Variants in FAM227B observed in about 807,000 individuals in gnomAD.
The protein encoded by FAM227B is protein FAM227B.
A neutral mutation model predicts 73.8 loss-of-function variants in FAM227B; 88 were observed. The ratio of observed to expected loss-of-function variants is 1.19; its 90% CI spans 1.00 to 1.42. The LOEUF (loss-of-function observed/expected upper bound fraction) is 1.42, where lower values mean the gene tolerates loss of function less well. FAM227B is among the 40% of genes most tolerant of loss of function. The pLI is 0.00. For synonymous variants in FAM227B, 210 were observed against 190.5 expected (o/e 1.10, Z -0.84); for missense variants, 632 against 590.9 (o/e 1.07, Z -0.72).
At chr15:49,444,212 T>C (rs1476045664) in intron 11 of FAM227B, among the ~76,000 whole-genome samples, 1 of 151,600 alleles carries the variant, frequency 6.6e-6, no homozygotes, top group Non-Finnish European at 1.5e-5. Flanking sequence ...TTCTCCCTCA[T>C]AAGGATTTAT....
chr15:49,351,855 G>C (rs554875957), intron 13 of FAM227B, among the ~76,000 whole-genome samples: 5 of 152,262 alleles, frequency 3.3e-5, no homozygotes, highest in African/African-American at 1.2e-4. Context: ...AGTGGATGTG[G>C]GCTAGCTTGG....
chr15:49,486,272 G>A (rs1223483755), intron 11 of FAM227B: 2 of 151,956 alleles, frequency 1.3e-5, no homozygotes, highest in Non-Finnish European at 2.9e-5. Flanking sequence ...TGACCTATAC[G>A]ACCAGGATGT....
At chr15:49,340,071 G>T (rs933690300) in intron 13 of FAM227B, among the ~76,000 whole-genome samples, 1 of 152,126 alleles carries the variant, frequency 6.6e-6, no homozygotes, top group Non-Finnish European at 1.5e-5. Flanking sequence ...GGTGGGACCC[G>T]CTGAGCCAGA....
chr15:49,362,334 A>C (rs1394591504), intron 13 of FAM227B, among the ~76,000 whole-genome samples: 1 of 152,116 alleles, frequency 6.6e-6, no homozygotes, highest in Non-Finnish European at 1.5e-5. Context: ...CACGTGAAGA[A>C]GGTTCTTGCT....
intron 11 of FAM227B, among the ~76,000 whole-genome samples, chr15:49,440,085 C>T (rs1024086065): frequency 1.8e-4 from 27 of 151,846 alleles, no homozygotes; most frequent in African/African-American, 6.0e-4. Flanking sequence ...AACTGAGTCA[C>T]GAAAAGATAA....
intron 10 of FAM227B, among the ~76,000 whole-genome samples, chr15:49,524,662 G>C (rs2060024751): frequency 6.6e-6 from 1 of 152,180 alleles, no homozygotes; most frequent in African/African-American, 2.4e-5. Flanking sequence ...ACCTGGAAAA[G>C]CCACAGACAC....
intron 8 of FAM227B, among the ~76,000 whole-genome samples, chr15:49,571,588 C>T (rs2075108893): frequency 6.6e-6 from 1 of 151,948 alleles, no homozygotes; most frequent in African/African-American, 2.4e-5. Context: ...ATCCCAACAA[C>T]AGTTATTGGA....
At chr15:49,544,663 C>A (rs563499655) in intron 9 of FAM227B, among the ~76,000 whole-genome samples, 1 of 152,222 alleles carries the variant, frequency 6.6e-6, no homozygotes, top group African/African-American at 2.4e-5. Flanking sequence ...GGCTTTATTA[C>A]CCTGAGGTAT....
rs111996694 is a variant in FAM227B at position 49,507,991 on chromosome 15, A to G, written c.1012+220T>C. ...AAAAGTGAGAATATATGTAGTATAC[A>G]TAAAGACAAAAAGGATAAACATTTT... On this transcript the variant is annotated intron_variant, in intron 11 of 15. Coordinates refer to ENST00000299338, the MANE Select transcript of FAM227B (RefSeq NM_152647.3). Among the ~76,000 whole-genome samples the G allele has an allele frequency of 9.7e-3, 1,478 of 152,300 alleles. 23 individuals are homozygous for G. Among genetic ancestry groups the G allele is most frequent in the African/African-American group, 0.034 (1,421 of 41,588 alleles).
At position 49,328,035 on chromosome 15, in the gene FAM227B, C is replaced by A. The variant is rs150920378; in HGVS notation, c.*533G>T. 1.9e-6 allele frequency: 3 copies of A among 1,613,858 alleles called. No individual in the cohort carries two copies. In the African/African-American group the frequency reaches 4.0e-5, roughly 22 times the overall value. On this transcript the variant is annotated 3_prime_UTR_variant, in exon 16 of 16. Transcript: ENST00000299338. ...TCAATGGTACCTGCGGACAAGCTGC[C>A]CAGCTTTCTAGCAAATGTGCACAAA...
chr15:49,407,215 C>T (rs568382779), intron 11 of FAM227B, among the ~76,000 whole-genome samples: 60 of 152,316 alleles, frequency 3.9e-4, no homozygotes, highest in African/African-American at 1.3e-3. Flanking sequence ...CTAAGCAGCT[C>T]TCCCTGTCAA....
In FAM227B at chr15:49,359,702, C is replaced by G. The variant is rs1348577828; in HGVS notation, c.1271+7746G>C. Among the ~76,000 whole-genome samples, 4 of 138,642 alleles carry G rather than the reference C, an allele frequency of 2.9e-5. No homozygotes were observed. In the East Asian group the frequency reaches 8.6e-4, roughly 30 times the overall value. The allele number at this position is 138,642 out of a possible 152,430, so 91.0% of individuals were successfully genotyped here. ...GTGGCGATTCCTCAGGGATCTAGAA[C>G]TGGAAGTACCATTTGACCCAGCCAT... On this transcript the variant is annotated intron_variant, in intron 13 of 15. Coordinates refer to ENST00000299338, the MANE Select transcript of FAM227B (RefSeq NM_152647.3).
chr15:49,349,963 T>TTAACTTTGTTGG (rs1471363997), intron 13 of FAM227B, among the ~76,000 whole-genome samples: 1 of 152,170 alleles, frequency 6.6e-6, no homozygotes, highest in East Asian at 1.9e-4. Flanking sequence ...AGATGGGAAA[T>TTAACTTTGTTGG]TAACTTTGTT....
intron 10 of FAM227B, among the ~76,000 whole-genome samples, chr15:49,537,463 G>T (rs1199005020): frequency 6.6e-6 from 1 of 152,114 alleles, no homozygotes; most frequent in African/African-American, 2.4e-5. Flanking sequence ...TACACTACTG[G>T]TAAGAATGTA....
chr15:49,367,554 C>T lies in FAM227B; in HGVS notation c.1165G>A (p.Gly389Ser). 1 of 1,605,140 alleles carries T rather than the reference C, an allele frequency of 6.2e-7. No individual in the cohort carries two copies. The highest frequency in any genetic ancestry group is 8.5e-7 in the Non-Finnish European group (1 of 1,178,036). Residue 389 changes from glycine to serine, a missense_variant, in exon 13 of 16, where the codon GGT (glycine) becomes AGT (serine). Gly to Ser is a moderately conservative substitution (Grantham distance 56, BLOSUM62 0). Transcript: ENST00000299338. ...EFNRVLFNFG[G>S]QSPLILYYLK... ...TAATATAAAATCAATGGACTCTGAC[C>T]TCCAAAATTGAAGAGAACACGATTA...
chr15:49,510,755 T>G (rs989667245), intron 10 of FAM227B, among the ~76,000 whole-genome samples: 1 of 152,246 alleles, frequency 6.6e-6, no homozygotes, highest in African/African-American at 2.4e-5. Context: ...CTCCAATAAC[T>G]TGATGAGAAA....
intron 11 of FAM227B, among the ~76,000 whole-genome samples, chr15:49,413,031 C>T (rs1320746219): frequency 6.6e-6 from 1 of 152,084 alleles, no homozygotes; most frequent in Non-Finnish European, 1.5e-5. Context: ...AATGACATCA[C>T]CATTTATCCA....
chr15:49,579,229 G>C (rs2075659518), intron 5 of FAM227B, among the ~76,000 whole-genome samples: 1 of 152,120 alleles, frequency 6.6e-6, no homozygotes, highest in Non-Finnish European at 1.5e-5. Context: ...AGCTATCATG[G>C]AAAACAGTAC....
Position 49,573,998 on chromosome 15 carries a change from T to C in FAM227B, c.645+1013A>G, listed in dbSNP as rs74428540. ...GGAATTGTTATGTTAGGTTGATGAA[T>C]TGACCACTTCAACATTATAAAATTA... On this transcript the variant is annotated intron_variant, in intron 8 of 15. Coordinates refer to ENST00000299338, the MANE Select transcript of FAM227B (RefSeq NM_152647.3). Among the ~76,000 whole-genome samples the C allele has an allele frequency of 8.2e-3, 1,256 of 152,284 alleles. 20 individuals carry two copies. The highest frequency in any genetic ancestry group is 0.029 in the African/African-American group (1,205 of 41,576).
Sources: allele counts gnomAD v4.1 joint callset (sites outside exome capture counted in the v4.1 genomes callset), GRCh38; gene constraint gnomAD v4.1.1; transcripts MANE v1.5; gene names NCBI Gene and HGNC (gene_info 2026-07-23, HGNC 2026-07-21).